Variants in GLRB observed in about 807,000 individuals in gnomAD.
GLRB encodes the protein glycine receptor beta, also known as glycine receptor subunit beta.
GLRB carries 33 observed loss-of-function variants against 54.2 expected under a neutral mutation model. The observed-to-expected ratio is 0.61, with a 90% CI of 0.46 to 0.81. The LOEUF (loss-of-function observed/expected upper bound fraction) is 0.81, where lower values mean the gene tolerates loss of function less well. GLRB is among the 40% of genes least tolerant of loss of function. The pLI is 0.00. For missense variants in GLRB, 572 were observed against 584.6 expected (o/e 0.98, Z 0.22); for synonymous variants, 209 against 208.2 (o/e 1.00, Z -0.03).
intron 7 of GLRB, among the ~76,000 whole-genome samples, chr4:157,140,419 G>A (rs1419008984): frequency 2.0e-5 from 3 of 151,956 alleles, no homozygotes; most frequent in Non-Finnish European, 4.4e-5. Context: ...GGGACCAAGA[G>A]TAGTATTCCA....
intron 2 of GLRB, among the ~76,000 whole-genome samples, chr4:157,112,730 C>A (rs1191974691): frequency 6.6e-6 from 1 of 151,862 alleles, no homozygotes; most frequent in Non-Finnish European, 1.5e-5. Flanking sequence ...ACCCAGCCAC[C>A]TTCATATACC....
intron 1 of GLRB, chr4:157,076,684 TC>T (rs1352764489): frequency 6.6e-6 from 1 of 152,266 alleles, no homozygotes; most frequent in Non-Finnish European, 1.5e-5. Context: ...GTGGTGAATT[TC>T]TCTGTTTTTC....
chr4:157,119,930 A>C (rs1735744097), intron 2 of GLRB, among the ~76,000 whole-genome samples: 1 of 151,846 alleles, frequency 6.6e-6, no homozygotes, highest in African/African-American at 2.4e-5. Context: ...AGACACATGC[A>C]CACATATGTG....
intron 4 of GLRB, among the ~76,000 whole-genome samples, chr4:157,129,549 G>A (rs183731681): frequency 4.6e-5 from 7 of 151,628 alleles, no homozygotes; most frequent in Non-Finnish European, 8.9e-5. Flanking sequence ...TGGAACTTGC[G>A]TGGAATCATA....
chr4:157,077,966 A>G (rs1398155322), intron 1 of GLRB, 30 bp from the exon 2 acceptor site: 2 of 1,466,444 alleles, frequency 1.4e-6, no homozygotes, highest in East Asian at 4.6e-5. Context: ...TTCTTCATAA[A>G]TGTAAACATT....
At chr4:157,156,100 A>G (rs1468806076) in intron 9 of GLRB, among the ~76,000 whole-genome samples, 1 of 152,114 alleles carries the variant, frequency 6.6e-6, no homozygotes, top group Non-Finnish European at 1.5e-5. Flanking sequence ...TTAGTTCCGT[A>G]TGAGTTTTAG....
intron 2 of GLRB, among the ~76,000 whole-genome samples, chr4:157,102,185 T>C (rs1227001565): frequency 6.6e-6 from 1 of 152,220 alleles, no homozygotes; most frequent in East Asian, 1.9e-4. Context: ...GTTGTTTTAT[T>C]TTAAATTTTA....
At chr4:157,086,889 A>T (rs1166013644) in intron 2 of GLRB, among the ~76,000 whole-genome samples, 2 of 151,468 alleles carry the variant, frequency 1.3e-5, no homozygotes, top group Non-Finnish European at 2.9e-5. Flanking sequence ...CTGAAATTAA[A>T]CTCCCTGTTC....
chr4:157,106,296 C>A (rs1227414477), intron 2 of GLRB, among the ~76,000 whole-genome samples: 1 of 152,108 alleles, frequency 6.6e-6, no homozygotes, highest in Non-Finnish European at 1.5e-5. Flanking sequence ...ATGTACTTGA[C>A]AAGTGGCTTT....
Position 157,122,403 on chromosome 4 carries a change from A to G in GLRB, c.297+6A>G, listed in dbSNP as rs372985954. 12 of 1,054,578 alleles carry G rather than the reference A, an allele frequency of 1.1e-5. No homozygotes were observed. Among genetic ancestry groups the G allele is most frequent in the African/African-American group, 1.6e-5 (1 of 62,530 alleles). 65.3% of individuals were successfully genotyped at this position (1,054,578 alleles called of 1,614,324 possible). A position where few individuals can be genotyped will look rare whatever the true frequency, so the allele number is the denominator to read the frequency against. ...CCATTCAAGAAACAACAATGGTAAGATTGCAATTAATTTAATATTTTGTCA... is the reference window on the plus strand; with the variant it reads ...CCATTCAAGAAACAACAATGGTAAGGTTGCAATTAATTTAATATTTTGTCA... On this transcript the variant is annotated splice_donor_region_variant and intron_variant, in intron 4 of 9. Transcript: ENST00000264428.
chr4:157,111,889 C>T (rs982392647), intron 2 of GLRB, among the ~76,000 whole-genome samples: 4 of 152,012 alleles, frequency 2.6e-5, no homozygotes, highest in African/African-American at 9.7e-5. Context: ...ATCTCAACCT[C>T]TCAGCAACTT....
chr4:157,106,638 A>G (rs1195376496), intron 2 of GLRB, among the ~76,000 whole-genome samples: 2 of 151,762 alleles, frequency 1.3e-5, no homozygotes, highest in South Asian at 4.2e-4. Flanking sequence ...TCCCTTGGAC[A>G]TCAGAACTTG....
At chr4:157,145,244 A>T (rs1190444194) in intron 8 of GLRB, among the ~76,000 whole-genome samples, 2 of 152,166 alleles carry the variant, frequency 1.3e-5, no homozygotes, top group Non-Finnish European at 2.9e-5. Context: ...CTGTGACTTG[A>T]TATCCAGGCT....
intron 2 of GLRB, among the ~76,000 whole-genome samples, chr4:157,108,113 C>T (rs1251431802): frequency 2.6e-5 from 4 of 152,104 alleles, no homozygotes; most frequent in African/African-American, 9.6e-5. Context: ...TCAAACATTA[C>T]TGCTCATTGA....
chr4:157,076,986 GA>G (rs1194348218), intron 1 of GLRB, among the ~76,000 whole-genome samples: 11 of 94,214 alleles, frequency 1.2e-4, no homozygotes, highest in South Asian at 5.4e-4. Flanking sequence ...GGGGGGGGGG[GA>G]AGATGAAAAA....
At chr4:157,136,446 G>A in intron 4 of GLRB, 23 bp from the exon 5 acceptor site, 1 of 1,251,864 alleles carries the variant, frequency 8.0e-7, no homozygotes, top group Non-Finnish European at 1.2e-6. Flanking sequence ...ATACACATGT[G>A]CACGCATGTA....
chr4:157,153,380 A>T (rs942021795), intron 9 of GLRB, among the ~76,000 whole-genome samples: 1 of 152,044 alleles, frequency 6.6e-6, no homozygotes, highest in African/African-American at 2.4e-5. Flanking sequence ...AGGCCCGAGG[A>T]CTGTGGGGCA....
At chr4:157,124,788 T>A (rs1460628037) in intron 4 of GLRB, among the ~76,000 whole-genome samples, 1 of 151,854 alleles carries the variant, frequency 6.6e-6, no homozygotes, top group Admixed American at 6.6e-5. Flanking sequence ...AATCTGCCCT[T>A]CACTTTATAT....
intron 3 of GLRB, 22 bp downstream of exon 3, chr4:157,120,684 G>A (rs1735784214): frequency 2.7e-6 from 3 of 1,108,386 alleles, no homozygotes; most frequent in Non-Finnish European, 4.1e-6. Context: ...CCATATAAAT[G>A]TTCATTTTTA....
Sources: gnomAD v4.1 joint callset for allele counts (sites outside exome capture counted in the v4.1 genomes callset) on GRCh38, gnomAD v4.1.1 for gene constraint, MANE v1.5 for transcripts, NCBI Gene and HGNC (gene_info 2026-07-23, HGNC 2026-07-21) for gene names.